Variants in ZNF521 observed in about 807,000 individuals in gnomAD.
ZNF521 encodes LYST-interacting protein 3.
In ZNF521, 14 loss-of-function variants were observed where a neutral mutation model predicts 105.5. The observed-to-expected ratio is 0.13, with a 90% CI of 0.09 to 0.21. The LOEUF (loss-of-function observed/expected upper bound fraction) is 0.21. ZNF521 is among the 10% of genes least tolerant of loss of function. ZNF521 has a pLI of 1.00. For synonymous variants in ZNF521, 635 were observed against 606.0 expected (o/e 1.05, Z -0.70); for missense variants, 1,233 against 1,629.7 (o/e 0.76, Z 4.19).
chr18:25,302,893 C>T (rs566517331), intron 3 of ZNF521: 19 of 151,898 alleles, frequency 1.3e-4, no homozygotes, highest in South Asian at 4.2e-4. Flanking sequence ...TGACATTAGA[C>T]GAAAAAAATC....
chr18:25,200,634 C>T (rs1359622117), intron 4 of ZNF521, among the ~76,000 whole-genome samples: 2 of 151,910 alleles, frequency 1.3e-5, no homozygotes, highest in Non-Finnish European at 2.9e-5. Context: ...TTTTAACTGC[C>T]CTTTCATTCA....
intron 7 of ZNF521, among the ~76,000 whole-genome samples, chr18:25,085,731 TATATATGCGC>T (rs1456966120): frequency 6.6e-6 from 1 of 151,818 alleles, no homozygotes; most frequent in Non-Finnish European, 1.5e-5. Context: ...CCCTCATATA[TATATATGCGC>T]ATATATACGC....
intron 2 of ZNF521, among the ~76,000 whole-genome samples, chr18:25,327,950 G>C (rs376442387): frequency 1.3e-5 from 2 of 152,280 alleles, no homozygotes; most frequent in East Asian, 1.9e-4. Context: ...CCTCAACTTA[G>C]CAGGATTATG....
intron 2 of ZNF521, among the ~76,000 whole-genome samples, chr18:25,346,235 G>GT (rs1220598038): frequency 2.7e-4 from 41 of 149,832 alleles, no homozygotes; most frequent in South Asian, 6.4e-4. Context: ...TACTGATGAG[G>GT]TTTTTTTTTG....
intron 7 of ZNF521, among the ~76,000 whole-genome samples, chr18:25,079,177 C>T (rs1302290644): frequency 6.6e-6 from 1 of 152,218 alleles, no homozygotes; most frequent in African/African-American, 2.4e-5. Context: ...TCTGGATTGG[C>T]GCTCATGCCA....
chr18:25,261,670 T>G (rs1028199377), intron 3 of ZNF521, among the ~76,000 whole-genome samples: 1 of 151,962 alleles, frequency 6.6e-6, no homozygotes, highest in African/African-American at 2.4e-5. Flanking sequence ...CTTTTTTTTT[T>G]AATTTTTAAA....
chr18:25,281,574 T>C (rs568817906), intron 3 of ZNF521, among the ~76,000 whole-genome samples: 4 of 152,326 alleles, frequency 2.6e-5, no homozygotes, highest in African/African-American at 9.6e-5. Flanking sequence ...AAACTCACAC[T>C]GTGTCTGACA....
intron 3 of ZNF521, among the ~76,000 whole-genome samples, chr18:25,300,909 T>C (rs545980226): frequency 6.6e-6 from 1 of 152,340 alleles, no homozygotes; most frequent in East Asian, 1.9e-4. Flanking sequence ...GAAACATTTA[T>C]GTTTCTCCCG....
chr18:25,320,822 C>T (rs1912898933), intron 3 of ZNF521, among the ~76,000 whole-genome samples: 1 of 152,112 alleles, frequency 6.6e-6, no homozygotes, highest in Admixed American at 6.5e-5. Flanking sequence ...AACATCAATT[C>T]TCAAACTTCA....
intron 4 of ZNF521, among the ~76,000 whole-genome samples, chr18:25,205,146 A>G (rs891800304): frequency 1.0e-5 from 1 of 96,386 alleles, no homozygotes; most frequent in Non-Finnish European, 2.5e-5. Flanking sequence ...GAAGGTAAAA[A>G]AAAAAAAAAA....
intron 4 of ZNF521, among the ~76,000 whole-genome samples, chr18:25,216,772 G>T (rs528081316): frequency 1.3e-5 from 2 of 152,200 alleles, no homozygotes; most frequent in Admixed American, 6.5e-5. Flanking sequence ...GGCTAGGCTG[G>T]TCTCAAACTC....
intron 1 of ZNF521, 131 bp from the exon 2 acceptor site, chr18:25,351,078 T>G (rs897225651): frequency 2.1e-6 from 1 of 482,174 alleles, no homozygotes; most frequent in African/African-American, 2.1e-5. Context: ...CGCTCCGCGC[T>G]CCGCTCCTCG....
chr18:25,216,199 C>A (rs1386954063), intron 4 of ZNF521, among the ~76,000 whole-genome samples: 1 of 152,054 alleles, frequency 6.6e-6, no homozygotes, highest in Non-Finnish European at 1.5e-5. Context: ...AACTCCGGGA[C>A]TTGAGTAGGC....
intron 3 of ZNF521, among the ~76,000 whole-genome samples, chr18:25,292,180 C>T (rs895136609): frequency 2.0e-5 from 3 of 152,226 alleles, no homozygotes; most frequent in Admixed American, 6.5e-5. Flanking sequence ...CCAACACTTA[C>T]ACATGTCACC....
intron 5 of ZNF521, among the ~76,000 whole-genome samples, chr18:25,137,544 G>C (rs969275800): frequency 1.3e-5 from 2 of 152,046 alleles, no homozygotes; most frequent in Admixed American, 6.6e-5. Flanking sequence ...TATGAAGACT[G>C]GTCCCATGGA....
chr18:25,231,315 T>C (rs1906512796), intron 3 of ZNF521, among the ~76,000 whole-genome samples: 1 of 152,200 alleles, frequency 6.6e-6, no homozygotes, highest in Non-Finnish European at 1.5e-5. Context: ...CAGATTTTGC[T>C]GGGTCTGTGT....
chr18:25,132,584 G>C (rs1424934910), intron 5 of ZNF521, among the ~76,000 whole-genome samples: 1 of 152,016 alleles, frequency 6.6e-6, no homozygotes, highest in Non-Finnish European at 1.5e-5. Context: ...TCTTCTGAAG[G>C]CTCCCAGTAG....
intron 7 of ZNF521, among the ~76,000 whole-genome samples, chr18:25,081,962 AT>A: frequency 6.6e-6 from 1 of 152,324 alleles, no homozygotes; most frequent in South Asian, 2.1e-4. Flanking sequence ...TCCTGATTGA[AT>A]TATCCAATAT....
At chr18:25,299,861 G>A (rs556970888) in intron 3 of ZNF521, among the ~76,000 whole-genome samples, 11 of 152,222 alleles carry the variant, frequency 7.2e-5, no homozygotes, top group East Asian at 5.8e-4. Context: ...CTCTGATTTC[G>A]GTGGCAGATT....
Sources: allele counts gnomAD v4.1 joint callset (sites outside exome capture counted in the v4.1 genomes callset), GRCh38; gene constraint gnomAD v4.1.1; transcripts MANE v1.5; gene names NCBI Gene and HGNC (gene_info 2026-07-23, HGNC 2026-07-21).